The following UBE2E2 variants were observed in gnomAD, a reference collection of about 807,000 sequenced individuals.
UBE2E2 encodes ubiquitin conjugating enzyme E2 E2.
A neutral mutation model predicts 24.7 loss-of-function variants in UBE2E2; 6 were observed. The observed-to-expected ratio is 0.24, with a 90% CI of 0.13 to 0.48. The LOEUF is 0.48. UBE2E2 is among the 20% of genes least tolerant of loss of function. UBE2E2 has a pLI of 0.99. For synonymous variants in UBE2E2, 104 were observed against 83.6 expected, an observed-to-expected ratio of 1.24 and a Z score of -1.33; for missense variants, 169 against 245.0, an observed-to-expected ratio of 0.69 and a Z score of 2.07.
intron 4 of UBE2E2, among the ~76,000 whole-genome samples, chr3:23,505,777 C>G (rs111586354): frequency 6.6e-6 from 1 of 152,278 alleles, no homozygotes; most frequent in Non-Finnish European, 1.5e-5. Flanking sequence ...TTACTAATGT[C>G]AGCTAATGCG....
At chr3:23,243,389 A>G (rs1697307279) in intron 3 of UBE2E2, among the ~76,000 whole-genome samples, 1 of 152,194 alleles carries the variant, frequency 6.6e-6, no homozygotes, top group Non-Finnish European at 1.5e-5. Context: ...TTCTAAATAC[A>G]TTCAATCTCT....
At chr3:23,422,294 A>G (rs928898546) in intron 3 of UBE2E2, among the ~76,000 whole-genome samples, 1 of 152,158 alleles carries the variant, frequency 6.6e-6, no homozygotes, top group Non-Finnish European at 1.5e-5. Flanking sequence ...TTTAGATAAC[A>G]TGGGCAGGTT....
At chr3:23,393,370 G>A (rs908374250) in intron 3 of UBE2E2, among the ~76,000 whole-genome samples, 3 of 152,200 alleles carry the variant, frequency 2.0e-5, no homozygotes, top group African/African-American at 4.8e-5. Flanking sequence ...CAGGATATAT[G>A]AGAGTTTGCT....
chr3:23,363,460 C>T (rs1696176870), intron 3 of UBE2E2, among the ~76,000 whole-genome samples: 1 of 152,104 alleles, frequency 6.6e-6, no homozygotes, highest in African/African-American at 2.4e-5. Context: ...AAAAATTGCC[C>T]AAGCAAATGG....
intron 2 of UBE2E2, among the ~76,000 whole-genome samples, chr3:23,211,556 A>G (rs1004268766): frequency 6.6e-6 from 1 of 151,912 alleles, no homozygotes; most frequent in Non-Finnish European, 1.5e-5. Flanking sequence ...ACACCAGGTT[A>G]AATTTTTAAT....
upstream of UBE2E2, chr3:23,203,118 G>A (rs1359158523): frequency 2.0e-6 from 2 of 983,742 alleles, no homozygotes; most frequent in Non-Finnish European, 2.4e-6. Context: ...GCGGGTGCGC[G>A]CGCGGACGGC....
chr3:23,553,734 C>G (rs1403949161), intron 5 of UBE2E2, among the ~76,000 whole-genome samples: 1 of 151,980 alleles, frequency 6.6e-6, no homozygotes, highest in African/African-American at 2.4e-5. Context: ...TAGAAAAGTC[C>G]ATGGCATTTC....
At chr3:23,553,521 C>T (rs999979051) in intron 5 of UBE2E2, among the ~76,000 whole-genome samples, 113 of 152,218 alleles carry the variant, frequency 7.4e-4, no homozygotes, top group African/African-American at 2.7e-3. Context: ...GTAGGTTGTA[C>T]ATTAACCACC....
chr3:23,546,058 G>T (rs1368086869), intron 5 of UBE2E2, among the ~76,000 whole-genome samples: 1 of 152,136 alleles, frequency 6.6e-6, no homozygotes, highest in Non-Finnish European at 1.5e-5. Flanking sequence ...GGTAAAGTGT[G>T]CACTACTCAC....
chr3:23,458,391 C>G (rs995401362), intron 3 of UBE2E2, among the ~76,000 whole-genome samples: 9 of 122,434 alleles, frequency 7.4e-5, no homozygotes, highest in African/African-American at 3.3e-4. Context: ...AGAGAGATCG[C>G]TGGTGGTGGT....
chr3:23,448,038 T>C (rs1698472785), intron 3 of UBE2E2, among the ~76,000 whole-genome samples: 1 of 152,172 alleles, frequency 6.6e-6, no homozygotes. Context: ...GAGGAGTAAG[T>C]TTCTGTTTTT....
chr3:23,504,912 C>CTTTT (rs150970405), intron 4 of UBE2E2, among the ~76,000 whole-genome samples: 2 of 95,072 alleles, frequency 2.1e-5, no homozygotes, highest in Admixed American at 1.0e-4. Context: ...GACATTCTTT[C>CTTTT]TTTTTTTTTT....
At chr3:23,522,364 T>G (rs1191886806) in intron 4 of UBE2E2, among the ~76,000 whole-genome samples, 1 of 152,164 alleles carries the variant, frequency 6.6e-6, no homozygotes, top group East Asian at 1.9e-4. Flanking sequence ...TATCCTGACC[T>G]CAGGTGATCT....
At chr3:23,370,785 G>T (rs1432627382) in intron 3 of UBE2E2, among the ~76,000 whole-genome samples, 1 of 152,162 alleles carries the variant, frequency 6.6e-6, no homozygotes, top group Non-Finnish European at 1.5e-5. Flanking sequence ...TTCTGTAGAT[G>T]AAGGCTATCA....
chr3:23,299,907 G>A (rs1699023304), intron 3 of UBE2E2, among the ~76,000 whole-genome samples: 1 of 152,102 alleles, frequency 6.6e-6, no homozygotes, highest in African/African-American at 2.4e-5. Context: ...CATTATTAGT[G>A]TGTGGGAGTC....
intron 3 of UBE2E2, among the ~76,000 whole-genome samples, chr3:23,312,592 A>T (rs529657752): frequency 2.7e-5 from 4 of 150,776 alleles, no homozygotes; most frequent in Non-Finnish European, 5.9e-5. Flanking sequence ...TGTTTTGTTG[A>T]TTTTTTATAT....
At chr3:23,266,912 A>G (rs1468145763) in intron 3 of UBE2E2, among the ~76,000 whole-genome samples, 11 of 152,196 alleles carry the variant, frequency 7.2e-5, no homozygotes, top group Admixed American at 1.3e-4. Flanking sequence ...ACTCAAAACC[A>G]TGCAACTACA....
chr3:23,223,024 C>A (rs1235242548), intron 3 of UBE2E2, among the ~76,000 whole-genome samples: 1 of 101,768 alleles, frequency 9.8e-6, no homozygotes, highest in Non-Finnish European at 2.0e-5. Flanking sequence ...GCCCCCCCCC[C>A]CTTTTTTTTT....
At chr3:23,356,150 G>A (rs1159180681) in intron 3 of UBE2E2, among the ~76,000 whole-genome samples, 2 of 152,172 alleles carry the variant, frequency 1.3e-5, no homozygotes, top group Non-Finnish European at 2.9e-5. Flanking sequence ...AGTCAGACAA[G>A]CAGTCTGGAC....
Sources: gnomAD v4.1 joint callset for allele counts (sites outside exome capture counted in the v4.1 genomes callset) on GRCh38, gnomAD v4.1.1 for gene constraint, MANE v1.5 for transcripts, NCBI Gene and HGNC (gene_info 2026-07-23, HGNC 2026-07-21) for gene names.